Variants in EBAG9 observed in about 807,000 individuals in gnomAD.
EBAG9 encodes the protein receptor-binding cancer antigen expressed on SiSo cells.
In EBAG9, 16 loss-of-function variants were observed where a neutral mutation model predicts 30.9. The ratio of observed to expected loss-of-function variants is 0.52; its 90% confidence interval spans 0.35 to 0.79. The LOEUF (loss-of-function observed/expected upper bound fraction) is 0.79, where lower values mean the gene tolerates loss of function less well. Among genes scored for constraint, EBAG9 ranks in the 30% least tolerant of loss-of-function variants. EBAG9 has a pLI of 0.01. For missense variants in EBAG9, 197 were observed against 242.1 expected (o/e 0.81, Z 1.24); for synonymous variants, 93 against 82.8 (o/e 1.12, Z -0.67).
intron 1 of EBAG9, among the ~76,000 whole-genome samples, chr8:109,543,135 CTTTTTTTTTTT>C (rs557388998): frequency 4.3e-4 from 23 of 52,886 alleles, no homozygotes; most frequent in Admixed American, 1.2e-3. Flanking sequence ...TATTCTGGTT[CTTTTTTTTTTT>C]TTTTTTTTTT....
chr8:109,553,793 C>A, intron 2 of EBAG9, 72 bp from the exon 3 acceptor site: 1 of 1,145,528 alleles, frequency 8.7e-7, no homozygotes, highest in Non-Finnish European at 1.3e-6. Context: ...CCTTCAATTA[C>A]CATACATAAT....
At chr8:109,545,906 T>C (rs1273166651) in intron 1 of EBAG9, among the ~76,000 whole-genome samples, 7 of 152,242 alleles carry the variant, frequency 4.6e-5, no homozygotes, top group African/African-American at 1.2e-4. Context: ...AGTTTTCTTA[T>C]CTGAAGTAGA....
chr8:109,564,660 T>G lies in EBAG9; in HGVS notation c.*101T>G. On this transcript the variant is annotated 3_prime_UTR_variant, in exon 7 of 7. Transcript: ENST00000337573. ...GAGTATTTTAAGAAGACATACTGCT[T>G]GATTTTAATACATTGATCAGGCCAT... is the stretch of plus-strand genomic sequence containing the variant. 6.7e-7 allele frequency: 1 copy of G among 1,502,062 alleles called. No individual in the cohort carries two copies. Among genetic ancestry groups the G allele is most frequent in the Non-Finnish European group, 9.0e-7 (1 of 1,108,680 alleles). The allele number at this position is 1,502,062 out of a possible 1,614,324, so 93.0% of individuals were successfully genotyped here.
intron 1 of EBAG9, among the ~76,000 whole-genome samples, chr8:109,542,109 T>G (rs1199225319): frequency 2.0e-5 from 3 of 152,282 alleles, no homozygotes; most frequent in African/African-American, 7.2e-5. Context: ...TAAGATGGCT[T>G]TTTGAGTTGT....
intron 5 of EBAG9, among the ~76,000 whole-genome samples, chr8:109,558,546 T>A (rs1821648797): frequency 6.6e-6 from 1 of 152,150 alleles, no homozygotes; most frequent in Non-Finnish European, 1.5e-5. Flanking sequence ...CACCTAAATA[T>A]AATTATAATA....
rs777333241 is a variant in EBAG9, at chr8:109,560,795, G to A, written c.430-43G>A. ...CTTTTTAACGGCTATGTGGAGAAAG[G>A]ATGGCTTTTACTCTCTTAATTTTGT... On this transcript the variant is annotated intron_variant, in intron 5 of 6. Transcript: ENST00000337573. 5 of 1,401,490 alleles carry A rather than the reference G, an allele frequency of 3.6e-6. No homozygotes were observed. In the East Asian group the frequency reaches 6.9e-5, roughly 19 times the overall value. The allele number at this position is 1,401,490 out of a possible 1,614,324, so 86.8% of individuals were successfully genotyped here.
At chr8:109,563,647 AAC>A in intron 6 of EBAG9, 1 of 1,117,454 alleles carries the variant, frequency 8.9e-7, no homozygotes, top group Non-Finnish European at 1.2e-6. Context: ...TACACAGGTA[AAC>A]ATGTGTCAAG....
At chr8:109,563,263 C>A in intron 6 of EBAG9, 1 of 945,202 alleles carries the variant, frequency 1.1e-6, no homozygotes, top group Non-Finnish European at 1.6e-6. Context: ...TTGAGCTCCC[C>A]CAGACATAGA....
chr8:109,555,750 T>C (rs191691048), intron 4 of EBAG9, among the ~76,000 whole-genome samples: 1 of 152,308 alleles, frequency 6.6e-6, no homozygotes, highest in Non-Finnish European at 1.5e-5. Context: ...TGGAAGATCA[T>C]TTAGAGATGC....
intron 3 of EBAG9, among the ~76,000 whole-genome samples, chr8:109,554,506 G>C (rs1011723342): frequency 7.2e-5 from 11 of 151,966 alleles, no homozygotes; most frequent in African/African-American, 2.7e-4. Context: ...TTTGTTTTTT[G>C]ATGGACATAA....
At chr8:109,551,015 T>A in intron 2 of EBAG9, 108 bp downstream of exon 2, 4 of 664,674 alleles carry the variant, frequency 6.0e-6, no homozygotes, top group Non-Finnish European at 1.1e-5. Flanking sequence ...AAGCTGAATA[T>A]CTTGATTGCA....
intron 5 of EBAG9, among the ~76,000 whole-genome samples, chr8:109,558,673 A>C (rs1821652074): frequency 6.6e-6 from 1 of 152,160 alleles, no homozygotes; most frequent in African/African-American, 2.4e-5. Flanking sequence ...CCTCCCAAGC[A>C]GACAGAATAA....
chr8:109,552,519 A>G (rs565567916), intron 2 of EBAG9, among the ~76,000 whole-genome samples: 23 of 152,358 alleles, frequency 1.5e-4, no homozygotes, highest in African/African-American at 5.5e-4. Flanking sequence ...GCCAGAAGGC[A>G]GGAAGTTAAA....
chr8:109,563,258 C>T, intron 6 of EBAG9: 1 of 860,276 alleles, frequency 1.2e-6, no homozygotes, highest in Non-Finnish European at 1.8e-6. Context: ...TAATATTGAG[C>T]TCCCCCAGAC....
rs184180194 is a variant in EBAG9 at position 109,551,834 on chromosome 8, T to G, written c.83+927T>G. Among the ~76,000 whole-genome samples, 83 of 152,256 alleles carry G rather than the reference T, an allele frequency of 5.5e-4. 1 individual carries two copies. The highest frequency in any genetic ancestry group is 2.0e-3 in the African/African-American group (83 of 41,556). ...TGCAGTGTTCAACAGGCACACAAAT[T>G]TCATTAATAAGTTCAGTGATTGTGG... On this transcript the variant is annotated intron_variant, in intron 2 of 6. Transcript: ENST00000337573.
intron 1 of EBAG9, among the ~76,000 whole-genome samples, chr8:109,549,161 A>G (rs1247851418): frequency 6.6e-6 from 1 of 151,352 alleles, no homozygotes; most frequent in African/African-American, 2.4e-5. Flanking sequence ...TGAGATGTTT[A>G]TATGGTTTTT....
Position 109,564,537 on chromosome 8 carries a change from A to G in EBAG9, c.620A>G (p.Lys207Arg). The change falls in exon 7 of 7, where the codon AAA becomes AGA. Residue 207 changes from lysine (K) to arginine (R), a missense_variant. Transcript: ENST00000337573. ...CGGCTAATGAAGAAGGAACAAAACA[A>G]AATTGGTGTGAAACTTTCATAACAC... ...AQRLMKKEQN[K>R]IGVKLS is the part of the protein sequence containing the mutation. 6.2e-7 allele frequency: 1 copy of G among 1,611,898 alleles called. No homozygotes were observed. The highest frequency in any genetic ancestry group is 8.5e-7 in the Non-Finnish European group (1 of 1,178,424).
Position 109,564,874 on chromosome 8 carries a change from G to T in EBAG9, c.*315G>T. ...GCTAGTGTTTCTAGCTAAATAAATG[G>T]GTGTATATAATTTTATGGTGGAAAA... On this transcript the variant is annotated 3_prime_UTR_variant, in exon 7 of 7. Coordinates refer to ENST00000337573, the MANE Select transcript of EBAG9 (RefSeq NM_004215.5). 5.6e-6 allele frequency: 1 copy of T among 177,920 alleles called. No homozygotes were observed. Among genetic ancestry groups the T allele is most frequent in the Non-Finnish European group, 1.2e-5 (1 of 85,084 alleles). 11.0% of individuals were successfully genotyped at this position (177,920 alleles called of 1,614,324 possible).
Position 109,564,650 on chromosome 8 carries a change from A to G in EBAG9, c.*91A>G, listed in dbSNP as rs1241731975. 2.4e-5 allele frequency: 37 copies of G among 1,534,196 alleles called. No homozygotes were observed. Among genetic ancestry groups the G allele is most frequent in the Non-Finnish European group, 2.9e-5 (33 of 1,132,740 alleles). On this transcript the variant is annotated 3_prime_UTR_variant, in exon 7 of 7. Transcript: ENST00000337573. ...ATGGATTTAAGAGTATTTTAAGAAG[A>G]CATACTGCTTGATTTTAATACATTG...
Sources: allele counts gnomAD v4.1 joint callset (sites outside exome capture counted in the v4.1 genomes callset), GRCh38; gene constraint gnomAD v4.1.1; transcripts MANE v1.5; gene names NCBI Gene and HGNC (gene_info 2026-07-23, HGNC 2026-07-21).